Variants in ATP2A3 observed in about 807,000 individuals in gnomAD.
ATP2A3 encodes the protein ATPase sarcoplasmic/endoplasmic reticulum Ca2+ transporting 3.
ATP2A3 carries 61 observed loss-of-function variants against 106.8 expected under a neutral mutation model. The ratio of observed to expected loss-of-function variants is 0.57; its 90% CI spans 0.46 to 0.71. The LOEUF (loss-of-function observed/expected upper bound fraction) is 0.71, where lower values mean the gene tolerates loss of function less well. Among genes scored for constraint, ATP2A3 ranks in the 30% least tolerant of loss-of-function variants. ATP2A3 has a pLI of 0.00. For synonymous variants in ATP2A3, 611 were observed against 609.3 expected (o/e 1.00, Z -0.04); for missense variants, 1,201 against 1,423.5 (o/e 0.84, Z 2.52).
chr17:3,951,895 A>G (rs975472018), intron 3 of ATP2A3, among the ~76,000 whole-genome samples: 3 of 152,072 alleles, frequency 2.0e-5, no homozygotes, highest in African/African-American at 7.2e-5. Flanking sequence ...GCCAACCTTC[A>G]AGGCTGTGGG....
At position 3,936,804 on chromosome 17, in the gene ATP2A3, C is replaced by T. The variant is rs865816037; in HGVS notation, c.2322-335G>A. The T allele has an allele frequency of 4.2e-5, 17 of 402,062 alleles. No individual in the cohort carries two copies. Among genetic ancestry groups the T allele is most frequent in the South Asian group, 3.2e-4 (14 of 44,186 alleles). The allele number at this position is 402,062 out of a possible 1,614,324, so 24.9% of individuals were successfully genotyped here. ...GAATCAGACATGTGCAAAAACCTAG[C>T]ACATGCCACACCATCCGGCAAACAC... On this transcript the variant is annotated intron_variant, in intron 15 of 20. Transcript: ENST00000397041. The surrounding 1 kb of genome is among the most constrained non-coding windows in gnomAD (Gnocchi z 5.4).
rs757568433 is a variant in ATP2A3 at position 3,937,408 on chromosome 17, G to A, written c.2321+8C>T. 13 of 1,611,898 alleles carry A rather than the reference G, an allele frequency of 8.1e-6. No homozygotes were observed. Among genetic ancestry groups the A allele is most frequent in the African/African-American group, 5.3e-5 (4 of 74,858 alleles). On this transcript the variant is annotated splice_region_variant and intron_variant, in intron 15 of 20. Transcript: ENST00000397041. ...AGAGGGCTGAGAGGAGGGAAGGCCCGGCCTCACCAGACGACCTCGCCAACA... is the reference window on the plus strand; with the variant it reads ...AGAGGGCTGAGAGGAGGGAAGGCCCAGCCTCACCAGACGACCTCGCCAACA...
Position 3,936,756 on chromosome 17 carries a change from G to A in ATP2A3, c.2322-287C>T, listed in dbSNP as rs1043671625. ...CACACACACACACACACACACACAC[G>A]CACACGAAGAGGGCATGCCCAAGAA... On this transcript the variant is annotated intron_variant, in intron 15 of 20. Transcript: ENST00000397041. This position sits in a 1 kb window ranked among gnomAD's most constrained non-coding sequence, Gnocchi z 5.4. 1.7e-4 allele frequency: 66 copies of A among 378,122 alleles called. No individual in the cohort carries two copies. The highest frequency in any genetic ancestry group is 8.0e-4 in the Middle Eastern group (1 of 1,254). 23.4% of individuals were successfully genotyped at this position (378,122 alleles called of 1,614,324 possible). A position where few individuals can be genotyped will look rare whatever the true frequency, so the allele number is the denominator to read the frequency against.
Position 3,950,761 on chromosome 17 carries a change from A to C in ATP2A3, c.476T>G (p.Val159Gly), listed in dbSNP as rs2054373145. The C allele has an allele frequency of 6.2e-7, 1 of 1,613,142 alleles. No individual in the cohort carries two copies. The highest frequency in any genetic ancestry group is 1.7e-5 in the Admixed American group (1 of 59,978). The change falls in exon 6 of 21, where the codon GTG (valine) becomes GGG (glycine). Residue 159 changes from valine (V) to glycine (G), a missense_variant. Around this residue, in one of 2 missense-constraint regions of ATP2A3, gnomAD observed 266 missense variants for 246.8 expected, o/e 1.08. Coordinates refer to ENST00000397041, the MANE Select transcript of ATP2A3 (RefSeq NM_005173.4). The stretch of plus-strand genomic sequence containing the variant: ...CTCGATGAGGCGGAGGTCAGCAGGC[A>C]CTTTGTCCCCCACTGTGCGGGGAGA... The part of the protein sequence containing the change: ...DIVEVAVGDK[V>G]PADLRLIEIK...
chr17:3,944,830 G>A, intron 9 of ATP2A3, 24 bp from the exon 10 acceptor site: 1 of 1,591,054 alleles, frequency 6.3e-7, no homozygotes, highest in Non-Finnish European at 8.6e-7. Flanking sequence ...GCGGTCACCA[G>A]GAGGACCTCG....
Position 3,955,161 on chromosome 17 carries a change from C to T in ATP2A3, c.119-1451G>A, listed in dbSNP as rs2054701032. Among the ~76,000 whole-genome samples the T allele has an allele frequency of 6.6e-6, 1 of 152,274 alleles. No individual in the cohort carries two copies. The highest frequency in any genetic ancestry group is 6.5e-5 in the Admixed American group (1 of 15,292). On this transcript the variant is annotated intron_variant, in intron 1 of 20. Coordinates refer to ENST00000397041, the MANE Select transcript of ATP2A3 (RefSeq NM_005173.4). The surrounding 1 kb of genome is among the most constrained non-coding windows in gnomAD (Gnocchi z 4.2). Reference sequence around the variant, plus strand: ...GTGGCATCTCCCCGAAGCTCGTTAGCCATGCGGAATCTGAGGCCCCGGCCA... The same window carrying T: ...GTGGCATCTCCCCGAAGCTCGTTAGTCATGCGGAATCTGAGGCCCCGGCCA...
At chr17:3,931,765 C>T (rs866024476) in intron 17 of ATP2A3, among the ~76,000 whole-genome samples, 74 of 152,316 alleles carry the variant, frequency 4.9e-4, no homozygotes, top group Middle Eastern at 3.4e-3. Context: ...TCGTGATCCG[C>T]CCGCCTTGGC....
chr17:3,937,456 T>C lies in ATP2A3; in HGVS notation c.2281A>G (p.Ile761Val). The C allele has an allele frequency of 6.2e-7, 1 of 1,612,890 alleles. No individual in the cohort carries two copies. The highest frequency in any genetic ancestry group is 8.5e-7 in the Non-Finnish European group (1 of 1,179,156). ...RAIYSNMKQFIRYLISSNVGE... is the reference protein window; with the variant it reads ...RAIYSNMKQFVRYLISSNVGE... ...ACATTGGAGGAGATGAGGTAGCGGA[T>C]GAATTGCTTCATGTTGCTGTAGATG... The change falls in exon 15 of 21, where the codon ATC (isoleucine) becomes GTC (valine). Residue 761 changes from isoleucine (I) to valine (V), a missense_variant. Coordinates refer to ENST00000397041, the MANE Select transcript of ATP2A3 (RefSeq NM_005173.4).
rs1247950013 is a variant in ATP2A3, at chr17:3,925,506, T to C, written c.2981-65A>G. The C allele has an allele frequency of 6.5e-7, 1 of 1,549,584 alleles. No homozygotes were observed. The highest frequency in any genetic ancestry group is 8.7e-7 in the Non-Finnish European group (1 of 1,144,110). ...AAGGGCACACATCCAGACAGCTTCC[T>C]TCCAGCCCCTTCCATCCTCCACTTC... On this transcript the variant is annotated intron_variant, in intron 20 of 20. Transcript: ENST00000397041. This position sits in a 1 kb window ranked among gnomAD's most constrained non-coding sequence, Gnocchi z 4.2.
chr17:3,956,327 A>C (rs1213544999), intron 1 of ATP2A3, among the ~76,000 whole-genome samples: 2 of 152,100 alleles, frequency 1.3e-5, no homozygotes, highest in Non-Finnish European at 1.5e-5. Flanking sequence ...ACATAGTAGG[A>C]GGGCACTTCC....
Position 3,935,662 on chromosome 17 carries a change from C to T in ATP2A3, c.2525-385G>A, listed in dbSNP as rs565679847. ...AAGCGATTCTCCTGCCTCAGTCTCC[C>T]GAGTAGGTGGGATTACAGGCACCTG... is the stretch of plus-strand genomic sequence containing the variant. On this transcript the variant is annotated intron_variant, in intron 16 of 20. Coordinates refer to ENST00000397041, the MANE Select transcript of ATP2A3 (RefSeq NM_005173.4). Among the ~76,000 whole-genome samples the T allele has an allele frequency of 9.2e-5, 14 of 152,046 alleles. No individual in the cohort carries two copies. The Middle Eastern group carries it at 0.01, about 111-fold the overall frequency.
Position 3,935,265 on chromosome 17 carries a change from A to C in ATP2A3, c.2537T>G (p.Leu846Arg). The change falls in exon 17 of 21, where the codon CTG becomes CGG. Residue 846 changes from leucine (L) to arginine (R), a missense_variant. This residue lies in a region of ATP2A3 where 935 missense variants were observed against 1,176.7 expected (regional missense o/e 0.79). Coordinates refer to ENST00000397041, the MANE Select transcript of ATP2A3 (RefSeq NM_005173.4). The part of the protein sequence containing the change: ...RYLAIGVYVG[L>R]ATVAAATWWF... ...CCAGGTGGCGGCAGCCACTGTGGCC[A>C]GGCCTACGTACACTGCGGGGAAGGG... The C allele has an allele frequency of 6.2e-7, 1 of 1,613,786 alleles. No individual in the cohort carries two copies. Among genetic ancestry groups the C allele is most frequent in the Non-Finnish European group, 8.5e-7 (1 of 1,179,994 alleles).
Position 3,937,435 on chromosome 17 carries a change from TGGA to T in ATP2A3, c.2299_2301del (p.Ser767del). 6.2e-7 allele frequency: 1 copy of T among 1,612,758 alleles called. No homozygotes were observed. Among genetic ancestry groups the T allele is most frequent in the Non-Finnish European group, 8.5e-7 (1 of 1,179,112 alleles). Reference sequence around the variant, plus strand: ...CCTCACCAGACGACCTCGCCAACATTGGAGGAGATGAGGTAGCGGATGAATTGC... The same window carrying T: ...CCTCACCAGACGACCTCGCCAACATTGGAGATGAGGTAGCGGATGAATTGC... On this transcript the variant is annotated inframe_deletion, in exon 15 of 21. Coordinates refer to ENST00000397041, the MANE Select transcript of ATP2A3 (RefSeq NM_005173.4).
chr17:3,940,828 T>C, intron 14 of ATP2A3, 143 bp downstream of exon 14: 1 of 1,112,030 alleles, frequency 9.0e-7, no homozygotes, highest in Non-Finnish European at 1.3e-6. Context: ...TTATTTAAAT[T>C]TCTTTTTGTA....
At chr17:3,941,907 C>T (rs1200795149) in intron 12 of ATP2A3, among the ~76,000 whole-genome samples, 6 of 152,166 alleles carry the variant, frequency 3.9e-5, no homozygotes. Flanking sequence ...GATGCCCTTC[C>T]CCCACCAGCC....
intron 4 of ATP2A3, 37 bp downstream of exon 4, chr17:3,951,542 GAC>G: frequency 6.7e-7 from 1 of 1,483,206 alleles, no homozygotes; most frequent in Non-Finnish European, 9.1e-7. Context: ...GTGGCTGGGA[GAC>G]CGCCCCCCGC....
At chr17:3,957,408 C>A (rs1262457512) in intron 1 of ATP2A3, among the ~76,000 whole-genome samples, 1 of 152,198 alleles carries the variant, frequency 6.6e-6, no homozygotes, top group African/African-American at 2.4e-5. Context: ...CTCACCCAAG[C>A]TCATCTGAAA....
chr17:3,938,172 G>T (rs183094313), intron 14 of ATP2A3, among the ~76,000 whole-genome samples: 51 of 152,300 alleles, frequency 3.3e-4, no homozygotes, highest in Non-Finnish European at 6.6e-4. Flanking sequence ...GGTGGCTCAC[G>T]CCTGTAATCC....
chr17:3,947,340 A>C lies in ATP2A3; in HGVS notation c.1095+51T>G. On this transcript the variant is annotated intron_variant, in intron 8 of 20. Coordinates refer to ENST00000397041, the MANE Select transcript of ATP2A3 (RefSeq NM_005173.4). The surrounding 1 kb of genome is among the most constrained non-coding windows in gnomAD (Gnocchi z 7.7). ...AGGTGGGGGAGAGACCCAGAGAGGGAGCCCAGCCTGCTCTGCAACGCACAG... is the reference window on the plus strand; with the variant it reads ...AGGTGGGGGAGAGACCCAGAGAGGGCGCCCAGCCTGCTCTGCAACGCACAG... The C allele has an allele frequency of 1.2e-6, 2 of 1,604,778 alleles. No homozygotes were observed. The highest frequency in any genetic ancestry group is 1.7e-6 in the Non-Finnish European group (2 of 1,173,232).
Sources: allele counts gnomAD v4.1 joint callset (sites outside exome capture counted in the v4.1 genomes callset), GRCh38; gene constraint gnomAD v4.1.1; regional missense constraint gnomAD v4.1.1; non-coding constraint Gnocchi (gnomAD v3.1); transcripts MANE v1.5; gene names NCBI Gene and HGNC (gene_info 2026-07-23, HGNC 2026-07-21).